Variants in RHEX observed in about 807,000 individuals in gnomAD.
The protein encoded by RHEX is regulator of hemoglobinization and erythroid cell expansion, also known as regulator of hemoglobinization and erythroid cell expansion protein.
RHEX carries 18 observed loss-of-function variants against 20.1 expected under a neutral mutation model. That is an observed-to-expected ratio of 0.90 (90% confidence interval 0.62 to 1.33). The LOEUF (loss-of-function observed/expected upper bound fraction) is 1.33. Among genes scored for constraint, RHEX ranks in the 40% most tolerant of loss-of-function variants. The pLI is 0.00. For synonymous variants in RHEX, 87 were observed against 77.1 expected, an observed-to-expected ratio of 1.13 and a Z score of -0.67; for missense variants, 192 against 214.3, an observed-to-expected ratio of 0.90 and a Z score of 0.65.
In RHEX at chr1:206,102,301, T is replaced by C; in HGVS notation, c.*349T>C. The C allele has an allele frequency of 4.2e-6, 1 of 239,744 alleles. No homozygotes were observed. Among genetic ancestry groups the C allele is most frequent in the Non-Finnish European group, 8.2e-6 (1 of 122,604 alleles). The allele number at this position is 239,744 out of a possible 1,614,324, so 14.9% of individuals were successfully genotyped here. On this transcript the variant is annotated 3_prime_UTR_variant, in exon 6 of 6. Coordinates refer to ENST00000331555, the MANE Select transcript of RHEX (RefSeq NM_001007544.4). ...TCAGCAGAGATAGTAGTGAAGTCTC[T>C]CCCCAGGGAAAATTTTAAAAAGGTT...
At chr1:206,075,465 G>A (rs1415043079) in intron 1 of RHEX, among the ~76,000 whole-genome samples, 1 of 152,158 alleles carries the variant, frequency 6.6e-6, no homozygotes, top group East Asian at 1.9e-4. Context: ...CAACAGGCTG[G>A]CGGCAGAAAT....
intron 1 of RHEX, among the ~76,000 whole-genome samples, chr1:206,074,628 G>A (rs540989411): frequency 6.6e-6 from 1 of 152,222 alleles, no homozygotes; most frequent in East Asian, 1.9e-4. Flanking sequence ...ACCCCTAAAG[G>A]AAACCCTGCA....
chr1:206,090,202 CTTTTT>C (rs59499927), intron 1 of RHEX, among the ~76,000 whole-genome samples: 1 of 112,588 alleles, frequency 8.9e-6, no homozygotes. Flanking sequence ...TCTTTTCTTT[CTTTTT>C]TTTTTTTTTT....
intron 1 of RHEX, among the ~76,000 whole-genome samples, chr1:206,064,626 GC>G (rs1300599450): frequency 2.0e-5 from 3 of 147,416 alleles, no homozygotes; most frequent in African/African-American, 7.5e-5. Context: ...CCTCTGCCCG[GC>G]CGGCCGCCCC....
chr1:206,072,360 C>T (rs1020348936), intron 1 of RHEX, among the ~76,000 whole-genome samples: 5 of 152,084 alleles, frequency 3.3e-5, no homozygotes, highest in African/African-American at 4.8e-5. Flanking sequence ...TGGATCACAA[C>T]GTCAAGAGTT....
intron 1 of RHEX, among the ~76,000 whole-genome samples, chr1:206,058,773 G>A (rs1481368651): frequency 3.3e-5 from 5 of 152,160 alleles, no homozygotes; most frequent in Non-Finnish European, 7.3e-5. Flanking sequence ...AGTATTGTGA[G>A]CCCTTAAAAG....
At chr1:206,094,502 A>C (rs1663028194) in intron 1 of RHEX, among the ~76,000 whole-genome samples, 2 of 152,216 alleles carry the variant, frequency 1.3e-5, no homozygotes, top group African/African-American at 4.8e-5. Context: ...GAATTGTATA[A>C]AGGTCTTTAC....
chr1:206,098,124 C>G lies in RHEX; in HGVS notation c.55C>G (p.Leu19Val), dbSNP rs1663112676. Residue 19 changes from leucine (L) to valine (V), a missense_variant, in exon 3 of 6, where the codon CTC (leucine) becomes GTC (valine). Physicochemically the swap from Leu to Val is conservative, Grantham distance 32. Coordinates refer to ENST00000331555, the MANE Select transcript of RHEX (RefSeq NM_001007544.4). Reference sequence around the variant, plus strand: ...TGGCTTAGTGATCGCGGTGGTGTCCCTCTTCCTGCAGGCCTGCTTCCTCAC... The same window carrying G: ...TGGCTTAGTGATCGCGGTGGTGTCCGTCTTCCTGCAGGCCTGCTTCCTCAC... The part of the protein sequence containing the change: ...WHGLVIAVVS[L>V]FLQACFLTAI... The G allele has an allele frequency of 6.2e-7, 1 of 1,613,996 alleles. No homozygotes were observed. Among genetic ancestry groups the G allele is most frequent in the Non-Finnish European group, 8.5e-7 (1 of 1,180,004 alleles).
intron 1 of RHEX, among the ~76,000 whole-genome samples, chr1:206,093,233 A>G (rs977148781): frequency 6.6e-6 from 1 of 152,184 alleles, no homozygotes; most frequent in Non-Finnish European, 1.5e-5. Flanking sequence ...GTCAGTTGAC[A>G]ATGTTGATTA....
At chr1:206,055,702 T>C (rs1662179684) in intron 1 of RHEX, among the ~76,000 whole-genome samples, 1 of 152,262 alleles carries the variant, frequency 6.6e-6, no homozygotes, top group African/African-American at 2.4e-5. Flanking sequence ...AATGAGCTTT[T>C]CATGAGTTGA....
intron 1 of RHEX, among the ~76,000 whole-genome samples, chr1:206,096,781 G>GTTTTTTTTTTTTTTTTTTTTTT (rs1212622253): frequency 1.5e-5 from 2 of 132,926 alleles, no homozygotes; most frequent in African/African-American, 3.0e-5. Context: ...TTTTTTTTTG[G>GTTTTTTTTTTTTTTTTTTTTTT]TTTTTTTTTT....
intron 1 of RHEX, among the ~76,000 whole-genome samples, chr1:206,054,539 T>A (rs1662147851): frequency 6.6e-6 from 1 of 152,196 alleles, no homozygotes; most frequent in Non-Finnish European, 1.5e-5. Flanking sequence ...ATTCTGTGTG[T>A]AAACATATTA....
At chr1:206,098,056 T>A in intron 2 of RHEX, 25 bp from the exon 3 acceptor site, 1 of 1,569,264 alleles carries the variant, frequency 6.4e-7, no homozygotes, top group Non-Finnish European at 8.8e-7. Flanking sequence ...AATCTCTGAC[T>A]TTGCCCCTTT....
chr1:206,086,967 ACTGGACACTCCAGC>A (rs1553286470), intron 1 of RHEX, among the ~76,000 whole-genome samples: 1 of 152,108 alleles, frequency 6.6e-6, no homozygotes, highest in African/African-American at 2.4e-5. Context: ...TGCTTGCACC[ACTGGACACTCCAGC>A]CTGGGCAACA....
At chr1:206,056,133 T>C (rs1210041470) in intron 1 of RHEX, among the ~76,000 whole-genome samples, 1 of 152,208 alleles carries the variant, frequency 6.6e-6, no homozygotes, top group African/African-American at 2.4e-5. Context: ...CCTCCCGGTG[T>C]CAGAGAGCCC....
chr1:206,090,689 C>T (rs192150284), intron 1 of RHEX, among the ~76,000 whole-genome samples: 2 of 152,052 alleles, frequency 1.3e-5, no homozygotes, highest in East Asian at 3.9e-4. Flanking sequence ...CCTGAAATAG[C>T]ATCTTTTTAT....
At chr1:206,062,759 T>G (rs576214997) in intron 1 of RHEX, among the ~76,000 whole-genome samples, 2 of 152,292 alleles carry the variant, frequency 1.3e-5, no homozygotes, top group South Asian at 4.1e-4. Flanking sequence ...GTGGGCTGTG[T>G]GTCACCACTG....
Position 206,102,111 on chromosome 1 carries a change from G to T in RHEX, c.*159G>T. 3 of 679,570 alleles carry T rather than the reference G, an allele frequency of 4.4e-6. No individual in the cohort carries two copies. The highest frequency in any genetic ancestry group is 7.7e-6 in the Non-Finnish European group (3 of 388,992). The allele number at this position is 679,570 out of a possible 1,614,324, so 42.1% of individuals were successfully genotyped here. A position where few individuals can be genotyped will look rare whatever the true frequency, so the allele number is the denominator to read the frequency against. On this transcript the variant is annotated 3_prime_UTR_variant, in exon 6 of 6. Transcript: ENST00000331555. The stretch of plus-strand genomic sequence containing the variant: ...GAAGAAAACTGATAAATACACAGAG[G>T]TCCTCAAGACCCATGGACTCCTGGT...
At position 206,101,913 on chromosome 1, in the gene RHEX, TC is replaced by T; in HGVS notation, c.481del (p.Leu161CysfsTer32). The T allele has an allele frequency of 6.2e-7, 1 of 1,614,136 alleles. No homozygotes were observed. Among genetic ancestry groups the T allele is most frequent in the South Asian group, 1.1e-5 (1 of 91,086 alleles). ...GTTTCTGGTATTTTGTCAACCCTGC[TC>T]TGTCTGAGCCAGCGGAATATGATCA... ...PSFWYFVNPA[L>X]SEPAEYDQVA... On this transcript the variant is annotated frameshift_variant, in exon 6 of 6. Transcript: ENST00000331555. LOFTEE classifies it high-confidence loss of function.
Sources: allele counts gnomAD v4.1 joint callset (sites outside exome capture counted in the v4.1 genomes callset), GRCh38; gene constraint gnomAD v4.1.1; transcripts MANE v1.5; gene names NCBI Gene and HGNC (gene_info 2026-07-23, HGNC 2026-07-21).